FSIP1: variants seen among roughly 807,000 people sequenced by gnomAD.
FSIP1 encodes fibrous sheath-interacting protein 1.
In FSIP1, 65 loss-of-function variants were observed where a neutral mutation model predicts 60.9. The ratio of observed to expected loss-of-function variants is 1.07; its 90% confidence interval spans 0.87 to 1.31. FSIP1 has a LOEUF of 1.31. Among genes scored for constraint, FSIP1 ranks in the 40% most tolerant of loss-of-function variants. FSIP1 has a pLI of 0.00. For synonymous variants in FSIP1, 209 were observed against 221.2 expected (o/e 0.94, Z 0.49); for missense variants, 675 against 665.5 (o/e 1.01, Z -0.16).
At chr15:39,627,725 AAGC>A (rs1434274585) in intron 10 of FSIP1, among the ~76,000 whole-genome samples, 3 of 152,214 alleles carry the variant, frequency 2.0e-5, no homozygotes, top group African/African-American at 7.2e-5. Flanking sequence ...ACTTGCTAGC[AAGC>A]AGTAGTCAGG....
chr15:39,776,811 G>A (rs1055761987), intron 1 of FSIP1, among the ~76,000 whole-genome samples: 1 of 152,002 alleles, frequency 6.6e-6, no homozygotes, highest in Non-Finnish European at 1.5e-5. Context: ...TTGCTTCCTG[G>A]GCCTCCAGGA....
In FSIP1 at chr15:39,751,418, A is replaced by AACAC. The variant is rs3065153; in HGVS notation, c.560-9522_560-9519dup. On this transcript the variant is annotated intron_variant, in intron 5 of 11. Transcript: ENST00000350221. Reference sequence around the variant, plus strand: ...ATGGATAAAGCAACTGTAATACATAAACACACACACACACACACACACACA... The same window carrying AACAC: ...ATGGATAAAGCAACTGTAATACATAAACACACACACACACACACACACACACACA... Among the ~76,000 whole-genome samples, 356 of 144,860 alleles carry AACAC rather than the reference A, an allele frequency of 2.5e-3. 5 individuals carry two copies. Among genetic ancestry groups the AACAC allele is most frequent in the Admixed American group, 0.014 (202 of 14,476 alleles).
chr15:39,623,870 T>C (rs1288083820), intron 10 of FSIP1, among the ~76,000 whole-genome samples: 1 of 152,216 alleles, frequency 6.6e-6, no homozygotes, highest in Non-Finnish European at 1.5e-5. Context: ...CATCCTCTTC[T>C]CTGCAAACCA....
intron 10 of FSIP1, among the ~76,000 whole-genome samples, chr15:39,674,051 T>C (rs1442527785): frequency 6.6e-6 from 1 of 150,646 alleles, no homozygotes; most frequent in East Asian, 1.9e-4. Flanking sequence ...CCCGACCCGA[T>C]TTAATTTTTT....
At chr15:39,740,182 A>T (rs1896757407) in intron 6 of FSIP1, among the ~76,000 whole-genome samples, 3 of 152,220 alleles carry the variant, frequency 2.0e-5, no homozygotes, top group African/African-American at 7.2e-5. Context: ...CCTAAAGGCT[A>T]GGTCATCCCT....
intron 10 of FSIP1, among the ~76,000 whole-genome samples, chr15:39,702,310 C>T (rs1218388574): frequency 6.8e-6 from 1 of 146,158 alleles, no homozygotes; most frequent in Non-Finnish European, 1.5e-5. Context: ...TAACAGATAC[C>T]ACGGGGACCA....
chr15:39,713,743 G>A (rs755198409), intron 9 of FSIP1, among the ~76,000 whole-genome samples, 162 bp from the exon 10 acceptor site: 1 of 152,098 alleles, frequency 6.6e-6, no homozygotes, highest in Non-Finnish European at 1.5e-5. Flanking sequence ...CCCATTTTAG[G>A]AGGTAAATGT....
At chr15:39,772,984 T>C (rs1162070868) in intron 2 of FSIP1, among the ~76,000 whole-genome samples, 5 of 152,158 alleles carry the variant, frequency 3.3e-5, no homozygotes, top group African/African-American at 4.8e-5. Flanking sequence ...CTTACTAGTA[T>C]TTAGATTCCT....
At chr15:39,632,068 A>G (rs1260240016) in intron 10 of FSIP1, among the ~76,000 whole-genome samples, 1 of 152,238 alleles carries the variant, frequency 6.6e-6, no homozygotes, top group African/African-American at 2.4e-5. Context: ...GACGAGTACA[A>G]TAGATGTTCA....
At chr15:39,603,180 G>A (rs1890702033) in intron 11 of FSIP1, among the ~76,000 whole-genome samples, 1 of 152,212 alleles carries the variant, frequency 6.6e-6, no homozygotes, top group African/African-American at 2.4e-5. Context: ...ATACACAGGA[G>A]AATCTCATGA....
chr15:39,685,822 C>T (rs1179937750), intron 10 of FSIP1, among the ~76,000 whole-genome samples: 2 of 152,154 alleles, frequency 1.3e-5, no homozygotes, highest in African/African-American at 4.8e-5. Context: ...AACCTCACAG[C>T]AGCTGGCCAT....
intron 10 of FSIP1, among the ~76,000 whole-genome samples, chr15:39,706,686 T>G (rs765467897): frequency 4.6e-5 from 7 of 152,202 alleles, no homozygotes; most frequent in Non-Finnish European, 1.0e-4. Context: ...AACACACTTT[T>G]CCCTTTAAAT....
chr15:39,694,806 CAAATA>C (rs1389185570), intron 10 of FSIP1, among the ~76,000 whole-genome samples: 1 of 150,810 alleles, frequency 6.6e-6, no homozygotes, highest in East Asian at 1.9e-4. Flanking sequence ...AATAAACAAA[CAAATA>C]AAATAAAAAA....
intron 11 of FSIP1, among the ~76,000 whole-genome samples, chr15:39,610,296 AT>A (rs1163151323): frequency 1.3e-5 from 2 of 152,372 alleles, no homozygotes; most frequent in East Asian, 3.9e-4. Flanking sequence ...TTGTGGAAAT[AT>A]GACAACATCC....
chr15:39,767,260 C>T (rs561532976), intron 3 of FSIP1, among the ~76,000 whole-genome samples: 1 of 152,318 alleles, frequency 6.6e-6, no homozygotes, highest in African/African-American at 2.4e-5. Context: ...TCAAAAGCAA[C>T]ACCTTCTAGT....
chr15:39,695,030 G>A (rs935344243), intron 10 of FSIP1, among the ~76,000 whole-genome samples: 2 of 152,068 alleles, frequency 1.3e-5, no homozygotes, highest in East Asian at 3.9e-4. Flanking sequence ...CCCAGCAAAC[G>A]GAATCATAGA....
chr15:39,670,472 CTT>C (rs35199511), intron 10 of FSIP1, among the ~76,000 whole-genome samples: 18,664 of 152,190 alleles, frequency 0.12, 1,334 homozygotes, highest in African/African-American at 0.18. Context: ...TATTTTCTCT[CTT>C]TTGTCTTTTT....
At chr15:39,691,497 G>A (rs191679304) in intron 10 of FSIP1, among the ~76,000 whole-genome samples, 1 of 152,366 alleles carries the variant, frequency 6.6e-6, no homozygotes, top group African/African-American at 2.4e-5. Flanking sequence ...CCTCTGGACA[G>A]TGTACAGTGA....
At chr15:39,666,613 C>T (rs1459036707) in intron 10 of FSIP1, among the ~76,000 whole-genome samples, 1 of 151,978 alleles carries the variant, frequency 6.6e-6, no homozygotes, top group Non-Finnish European at 1.5e-5. Flanking sequence ...GTGAATGAAC[C>T]CAAATTTTTT....
Sources: gnomAD v4.1 joint callset for allele counts (sites outside exome capture counted in the v4.1 genomes callset) on GRCh38, gnomAD v4.1.1 for gene constraint, MANE v1.5 for transcripts, NCBI Gene and HGNC (gene_info 2026-07-23, HGNC 2026-07-21) for gene names.